The following WDR7 variants were observed in gnomAD, a reference collection of about 807,000 sequenced individuals.
WDR7 encodes the protein WD repeat-containing protein 7.
WDR7 carries 46 observed loss-of-function variants against 169.4 expected under a neutral mutation model. The ratio of observed to expected loss-of-function variants is 0.27; its 90% CI spans 0.21 to 0.35. WDR7 has a LOEUF of 0.35. Among genes scored for constraint, WDR7 ranks in the 10% least tolerant of loss-of-function variants. WDR7 has a pLI of 1.00. For synonymous variants in WDR7, 612 were observed against 666.8 expected (o/e 0.92, Z 1.27); for missense variants, 1,534 against 1,859.3 (o/e 0.83, Z 3.22).
At chr18:56,752,690 C>T (rs1198108633) in intron 14 of WDR7, among the ~76,000 whole-genome samples, 1 of 152,042 alleles carries the variant, frequency 6.6e-6, no homozygotes, top group Non-Finnish European at 1.5e-5. Flanking sequence ...GCAAATTTAT[C>T]ACATTATTTA....
intron 20 of WDR7, among the ~76,000 whole-genome samples, chr18:56,832,624 C>T (rs775902543): frequency 5.3e-5 from 8 of 152,276 alleles, no homozygotes; most frequent in South Asian, 2.1e-4. Flanking sequence ...CCCTCTGTGA[C>T]GAAGCTTCCA....
At chr18:56,740,732 ACTT>A (rs553530125) in intron 14 of WDR7, among the ~76,000 whole-genome samples, 24 of 152,104 alleles carry the variant, frequency 1.6e-4, no homozygotes, top group African/African-American at 5.5e-4. Context: ...CCTGAATCCT[ACTT>A]CTTATCTTCT....
intron 20 of WDR7, among the ~76,000 whole-genome samples, chr18:56,855,443 A>G (rs972225311): frequency 5.9e-5 from 9 of 152,124 alleles, no homozygotes; most frequent in Non-Finnish European, 1.3e-4. Context: ...TAGGGTGTTC[A>G]GGATCTTAAG....
At chr18:56,814,703 G>A (rs999214375) in intron 19 of WDR7, among the ~76,000 whole-genome samples, 5 of 151,872 alleles carry the variant, frequency 3.3e-5, no homozygotes, top group African/African-American at 1.2e-4. Context: ...CTTATTACCT[G>A]CGTAATGAAA....
chr18:56,973,941 A>G (rs2047527444), intron 26 of WDR7, among the ~76,000 whole-genome samples: 1 of 152,330 alleles, frequency 6.6e-6, no homozygotes, highest in Non-Finnish European at 1.5e-5. Context: ...TGTATGTCCT[A>G]AACCATTTCC....
intron 26 of WDR7, among the ~76,000 whole-genome samples, chr18:57,004,614 A>C (rs1480326928): frequency 4.6e-5 from 7 of 152,144 alleles, no homozygotes; most frequent in Admixed American, 4.6e-4. Context: ...TAAACGTAAA[A>C]ATGTCACTAG....
chr18:56,705,730 G>A (rs2025935412), intron 12 of WDR7, among the ~76,000 whole-genome samples: 1 of 152,132 alleles, frequency 6.6e-6, no homozygotes, highest in Non-Finnish European at 1.5e-5. Context: ...CTGGCACGAT[G>A]GCTCACGCCT....
intron 20 of WDR7, among the ~76,000 whole-genome samples, chr18:56,847,718 C>T (rs1043301102): frequency 6.6e-6 from 1 of 152,236 alleles, no homozygotes; most frequent in African/African-American, 2.4e-5. Flanking sequence ...CCAGCCACGC[C>T]AGCTCCAGCT....
chr18:56,966,228 G>A (rs537091751), intron 26 of WDR7, among the ~76,000 whole-genome samples: 1 of 152,180 alleles, frequency 6.6e-6, no homozygotes, highest in African/African-American at 2.4e-5. Flanking sequence ...ACAAGGGTTT[G>A]GACTGTGTGG....
intron 21 of WDR7, among the ~76,000 whole-genome samples, chr18:56,880,539 C>T (rs2145482086): frequency 6.6e-6 from 1 of 152,278 alleles, no homozygotes. Flanking sequence ...TGGGGTGGAA[C>T]ACCAGTCTTT....
intron 21 of WDR7, among the ~76,000 whole-genome samples, chr18:56,884,825 G>A (rs749442806): frequency 7.9e-5 from 12 of 152,182 alleles, no homozygotes; most frequent in Non-Finnish European, 1.3e-4. Flanking sequence ...CCTCCTGGCT[G>A]GAAGCCAACC....
chr18:57,014,777 A>T (rs989761596), intron 26 of WDR7, among the ~76,000 whole-genome samples: 2 of 152,242 alleles, frequency 1.3e-5, no homozygotes, highest in Non-Finnish European at 2.9e-5. Flanking sequence ...AGAGAGTTTA[A>T]GGAAAATCCA....
At chr18:56,906,988 G>A (rs76956940) in intron 21 of WDR7, among the ~76,000 whole-genome samples, 1 of 152,182 alleles carries the variant, frequency 6.6e-6, no homozygotes, top group Non-Finnish European at 1.5e-5. Flanking sequence ...AAGAATTTGT[G>A]TTTTCATTAA....
chr18:56,770,634 T>G (rs2145016633), intron 16 of WDR7, among the ~76,000 whole-genome samples: 1 of 152,336 alleles, frequency 6.6e-6, no homozygotes. Context: ...TGTGACTGTA[T>G]TTTTTAAACA....
chr18:56,929,337 A>G (rs1568271950), intron 22 of WDR7, among the ~76,000 whole-genome samples: 1 of 152,200 alleles, frequency 6.6e-6, no homozygotes, highest in African/African-American at 2.4e-5. Context: ...CCTTATTTAC[A>G]TATCAGTAAA....
At chr18:56,839,028 C>T (rs552052856) in intron 20 of WDR7, among the ~76,000 whole-genome samples, 71 of 152,140 alleles carry the variant, frequency 4.7e-4, no homozygotes, top group African/African-American at 1.6e-3. Flanking sequence ...ACTTATTCAC[C>T]ATTCTCCATA....
chr18:56,920,673 G>A (rs984677834), intron 21 of WDR7, among the ~76,000 whole-genome samples: 2 of 152,100 alleles, frequency 1.3e-5, no homozygotes, highest in East Asian at 3.9e-4. Context: ...AGATACTGTG[G>A]AATAGTGGTC....
chr18:56,775,226 C>T (rs2044222857), intron 16 of WDR7, among the ~76,000 whole-genome samples: 1 of 152,028 alleles, frequency 6.6e-6, no homozygotes, highest in Non-Finnish European at 1.5e-5. Flanking sequence ...CACAGCCTTT[C>T]CAGGGATAAC....
intron 21 of WDR7, among the ~76,000 whole-genome samples, chr18:56,895,336 G>A (rs1599137344): frequency 1.3e-5 from 2 of 151,820 alleles, no homozygotes; most frequent in East Asian, 3.9e-4. Context: ...AAACCGGGAA[G>A]TAAAATACAA....
Sources: gnomAD v4.1 joint callset for allele counts (sites outside exome capture counted in the v4.1 genomes callset) on GRCh38, gnomAD v4.1.1 for gene constraint, MANE v1.5 for transcripts, NCBI Gene and HGNC (gene_info 2026-07-23, HGNC 2026-07-21) for gene names.